Variants in PALLD observed in about 807,000 individuals in gnomAD.
PALLD encodes palladin, cytoskeletal associated protein, also known as palladin.
A neutral mutation model predicts 123.5 loss-of-function variants in PALLD; 61 were observed. The observed-to-expected ratio is 0.49, with a 90% confidence interval of 0.40 to 0.61. PALLD has a LOEUF of 0.61. PALLD is among the 20% of genes least tolerant of loss of function. PALLD has a pLI of 0.00. For synonymous variants in PALLD, 465 were observed against 496.4 expected (o/e 0.94, Z 0.84); for missense variants, 1,273 against 1,377.0 (o/e 0.92, Z 1.20).
chr4:168,832,194 G>A (rs1744334470), intron 10 of PALLD: 1 of 985,412 alleles, frequency 1.0e-6, no homozygotes, highest in Admixed American at 6.1e-5. Context: ...AATCGGCCCT[G>A]AGGCTGGTGG....
At chr4:168,519,681 AACAC>A (rs10544686) in intron 2 of PALLD, among the ~76,000 whole-genome samples, 4 of 151,256 alleles carry the variant, frequency 2.6e-5, no homozygotes, top group South Asian at 2.1e-4. Flanking sequence ...ATTAGGCACA[AACAC>A]ACACACACAC....
chr4:168,833,481 C>G (rs28406440), intron 10 of PALLD, among the ~76,000 whole-genome samples: 14,061 of 152,008 alleles, frequency 0.093, 1,269 homozygotes, highest in African/African-American at 0.23. Flanking sequence ...GAGAAAAGGA[C>G]AGAGGGACCG....
intron 10 of PALLD, among the ~76,000 whole-genome samples, chr4:168,831,298 G>A (rs1233124551): frequency 6.6e-6 from 1 of 152,134 alleles, no homozygotes; most frequent in Non-Finnish European, 1.5e-5. Flanking sequence ...TTCCTGTGTA[G>A]ATGAGCGTTA....
intron 10 of PALLD, among the ~76,000 whole-genome samples, chr4:168,860,913 AAC>A (rs1749360763): frequency 6.6e-6 from 1 of 152,226 alleles, no homozygotes; most frequent in African/African-American, 2.4e-5. Flanking sequence ...ATTATTTGAA[AAC>A]ACAATGCCCA....
chr4:168,767,231 C>A (rs1257481642), intron 10 of PALLD, among the ~76,000 whole-genome samples: 1 of 152,210 alleles, frequency 6.6e-6, no homozygotes, highest in Non-Finnish European at 1.5e-5. Flanking sequence ...TTAGTTATTT[C>A]AGCCTCCATC....
At chr4:168,825,546 C>T (rs1743299852) in intron 10 of PALLD, among the ~76,000 whole-genome samples, 1 of 152,136 alleles carries the variant, frequency 6.6e-6, no homozygotes, top group South Asian at 2.1e-4. Context: ...ATGTGAAGTG[C>T]TGGGTAGAAG....
At position 168,512,033 on chromosome 4, in the gene PALLD, G is replaced by T; in HGVS notation, c.529G>T (p.Glu177Ter). The change falls in exon 2 of 22, where the codon GAG (glutamate) becomes TAG (stop). Residue 177 changes from glutamate (E) to a stop codon, truncating the protein, a stop_gained. Transcript: ENST00000505667. LOFTEE classifies it high-confidence loss of function. Reference protein sequence around the residue: ...QLCDKAANLIEELTSIFKAAK... With the variant: ...QLCDKAANLI ...GTGTGACAAGGCAGCTAATTTAATTGAGGAGCTAACATCCATATTTAAAGC... is the reference window on the plus strand; with the variant it reads ...GTGTGACAAGGCAGCTAATTTAATTTAGGAGCTAACATCCATATTTAAAGC... 6.2e-7 allele frequency: 1 copy of T among 1,614,198 alleles called. No individual in the cohort carries two copies. The highest frequency in any genetic ancestry group is 8.5e-7 in the Non-Finnish European group (1 of 1,180,048).
chr4:168,804,301 G>T (rs1253688255), intron 10 of PALLD, among the ~76,000 whole-genome samples: 2 of 152,240 alleles, frequency 1.3e-5, no homozygotes, highest in African/African-American at 4.8e-5. Context: ...TTGCCCACAA[G>T]TTGGTATAGG....
At chr4:168,584,052 A>G (rs1414906554) in intron 2 of PALLD, among the ~76,000 whole-genome samples, 2 of 152,312 alleles carry the variant, frequency 1.3e-5, no homozygotes, top group South Asian at 2.1e-4. Flanking sequence ...AATGGCACAT[A>G]AAGTGTCTAA....
intron 2 of PALLD, among the ~76,000 whole-genome samples, chr4:168,563,587 G>A (rs1768073942): frequency 6.6e-6 from 1 of 152,108 alleles, no homozygotes; most frequent in Non-Finnish European, 1.5e-5. Flanking sequence ...TTAAATGAAT[G>A]TAGATTTTCA....
chr4:168,735,484 C>T (rs1410935299), intron 10 of PALLD, among the ~76,000 whole-genome samples: 1 of 152,226 alleles, frequency 6.6e-6, no homozygotes, highest in Non-Finnish European at 1.5e-5. Flanking sequence ...CTTATGCTCT[C>T]TGAGCCTGTC....
chr4:168,811,776 TCACACA>T (rs58914714), intron 10 of PALLD, among the ~76,000 whole-genome samples: 8,154 of 143,602 alleles, frequency 0.057, 263 homozygotes, highest in South Asian at 0.15. Flanking sequence ...TCTCTCTCTC[TCACACA>T]CACACACACA....
chr4:168,652,939 A>G (rs1168240318), intron 2 of PALLD, among the ~76,000 whole-genome samples: 1 of 152,210 alleles, frequency 6.6e-6, no homozygotes, highest in Non-Finnish European at 1.5e-5. Context: ...TGTTCAGCAC[A>G]CCAGGCATTA....
intron 10 of PALLD, among the ~76,000 whole-genome samples, chr4:168,771,217 A>C (rs1205782029): frequency 6.6e-6 from 1 of 152,204 alleles, no homozygotes; most frequent in Non-Finnish European, 1.5e-5. Context: ...ATTTGTATGA[A>C]TCCTTAGATT....
intron 10 of PALLD, among the ~76,000 whole-genome samples, chr4:168,862,784 T>A: frequency 6.6e-6 from 1 of 152,178 alleles, no homozygotes. Context: ...TGAAAAGATA[T>A]GGATAAATTT....
chr4:168,911,453 A>G (rs1758927680), intron 15 of PALLD, among the ~76,000 whole-genome samples: 2 of 152,356 alleles, frequency 1.3e-5, no homozygotes, highest in South Asian at 4.1e-4. Flanking sequence ...TAAGGAAGCC[A>G]TATCCCACAT....
intron 2 of PALLD, among the ~76,000 whole-genome samples, chr4:168,599,985 A>G (rs145639478): frequency 2.0e-5 from 3 of 150,256 alleles, no homozygotes; most frequent in Non-Finnish European, 4.5e-5. Context: ...ATATATACAT[A>G]CATGTGTATA....
rs1407177616 is a variant in PALLD at position 168,928,258 on chromosome 4, C to A, written c.*2078C>A. 1.1e-5 allele frequency: 2 copies of A among 182,744 alleles called. No homozygotes were observed. The highest frequency in any genetic ancestry group is 2.3e-5 in the Non-Finnish European group (2 of 85,694). 11.3% of individuals were successfully genotyped at this position (182,744 alleles called of 1,614,324 possible). A position where few individuals can be genotyped will look rare whatever the true frequency, so the allele number is the denominator to read the frequency against. On this transcript the variant is annotated 3_prime_UTR_variant, in exon 22 of 22. Coordinates refer to ENST00000505667, the MANE Select transcript of PALLD (RefSeq NM_001166108.2). ...ACTTGCCAAATTTTTCTGAATGTGA[C>A]CTTTTTTTGCTGATTTGCTGGGTTT... is the stretch of plus-strand genomic sequence containing the variant.
intron 10 of PALLD, among the ~76,000 whole-genome samples, chr4:168,750,538 A>G (rs1264648247): frequency 1.3e-5 from 2 of 152,166 alleles, no homozygotes; most frequent in East Asian, 3.9e-4. Context: ...AATTATATAT[A>G]TATTTTTTAA....
Sources: allele counts gnomAD v4.1 joint callset (sites outside exome capture counted in the v4.1 genomes callset), GRCh38; gene constraint gnomAD v4.1.1; transcripts MANE v1.5; gene names NCBI Gene and HGNC (gene_info 2026-07-23, HGNC 2026-07-21).